MAPK6: variants seen among roughly 807,000 people sequenced by gnomAD.
The protein encoded by MAPK6 is mitogen-activated protein kinase 6, also known as ERK-3.
MAPK6 carries 19 observed loss-of-function variants against 59.3 expected under a neutral mutation model. That is an observed-to-expected ratio of 0.32 (90% CI 0.22 to 0.47). The LOEUF (loss-of-function observed/expected upper bound fraction) is 0.47, where lower values mean the gene tolerates loss of function less well. MAPK6 is among the 20% of genes least tolerant of loss of function. The pLI is 1.00. For missense variants in MAPK6, 724 were observed against 847.9 expected (o/e 0.85, Z 1.81); for synonymous variants, 316 against 290.3 (o/e 1.09, Z -0.90).
intron 3 of MAPK6, among the ~76,000 whole-genome samples, chr15:52,005,987 A>G (rs2057257688): frequency 6.6e-6 from 1 of 152,198 alleles, no homozygotes; most frequent in South Asian, 2.1e-4. Flanking sequence ...ATGGATCTAA[A>G]TTGAAAAGAT....
chr15:52,023,369 C>T (rs1001041295), intron 1 of MAPK6, among the ~76,000 whole-genome samples: 2 of 152,312 alleles, frequency 1.3e-5, no homozygotes, highest in African/African-American at 4.8e-5. Context: ...GAACATTACA[C>T]TACAACCTGC....
At position 52,064,643 on chromosome 15, in the gene MAPK6, C is replaced by A. The variant is rs2032340557; in HGVS notation, c.1809C>A (p.Asp603Glu). The change falls in exon 6 of 6, where the codon GAC becomes GAA. Residue 603 changes from aspartate (D) to glutamate (E), a missense_variant. Asp to Glu is a conservative substitution (Grantham distance 45). Transcript: ENST00000261845. Reference sequence around the variant, plus strand: ...GCCAGTTTGTGAGTGGTGGGGAGGACTGTTTTTTCATAAATCAGTTTTGTG... The same window carrying A: ...GCCAGTTTGTGAGTGGTGGGGAGGAATGTTTTTTCATAAATCAGTTTTGTG... ...WDSQFVSGGE[D>E]CFFINQFCEV... The A allele has an allele frequency of 1.9e-6, 3 of 1,611,698 alleles. No individual in the cohort carries two copies. The highest frequency in any genetic ancestry group is 3.3e-5 in the Admixed American group (2 of 59,988).
chr15:52,043,866 A>G lies in MAPK6; in HGVS notation c.-631-1964A>G, dbSNP rs965717884. Reference sequence around the variant, plus strand: ...CTCTACCTCCCTGCAACCTCTACCTACCTGGTTCAAGCGATTATCCAGCCT... The same window carrying G: ...CTCTACCTCCCTGCAACCTCTACCTGCCTGGTTCAAGCGATTATCCAGCCT... On this transcript the variant is annotated intron_variant, in intron 1 of 5. Coordinates refer to ENST00000261845, the MANE Select transcript of MAPK6 (RefSeq NM_002748.4). Among the ~76,000 whole-genome samples the G allele has an allele frequency of 3.7e-5, 5 of 136,208 alleles. 1 individual carries two copies. The South Asian group carries it at 1.2e-3, about 31-fold the overall frequency. The allele number at this position is 136,208 out of a possible 152,430, so 89.4% of individuals were successfully genotyped here. A position where few individuals can be genotyped will look rare whatever the true frequency, so the allele number is the denominator to read the frequency against.
chr15:52,017,718 G>A (rs2030315611), upstream of MAPK6: 2 of 152,274 alleles, frequency 1.3e-5, no homozygotes, highest in Admixed American at 1.3e-4. Flanking sequence ...GGAAGGCACA[G>A]TGCTTGGTAT....
At chr15:52,052,968 G>A (rs7170649) in intron 3 of MAPK6, among the ~76,000 whole-genome samples, 150 of 151,982 alleles carry the variant, frequency 9.9e-4, no homozygotes, top group African/African-American at 3.2e-3. Context: ...GTTTCCCAGC[G>A]CAGCTGTACC....
intron 5 of MAPK6, among the ~76,000 whole-genome samples, chr15:52,062,250 C>CTCCTGACCTCAGG (rs1757483503): frequency 6.6e-6 from 1 of 151,396 alleles, no homozygotes. Flanking sequence ...TGGTCTCGAA[C>CTCCTGACCTCAGG]TCCTGACCTC....
upstream of MAPK6, among the ~76,000 whole-genome samples, chr15:52,016,374 A>G (rs375601879): frequency 6.6e-6 from 1 of 151,786 alleles, no homozygotes; most frequent in Admixed American, 6.6e-5. Flanking sequence ...GGATGACAAG[A>G]GCAAAACTCC....
chr15:52,006,497 CTG>C (rs2057259079), intron 3 of MAPK6, among the ~76,000 whole-genome samples: 1 of 152,230 alleles, frequency 6.6e-6, no homozygotes, highest in Non-Finnish European at 1.5e-5. Context: ...CATTCAGACA[CTG>C]TGCTCAACAC....
At chr15:52,052,476 C>T (rs1462724730) in intron 3 of MAPK6, among the ~76,000 whole-genome samples, 2 of 152,134 alleles carry the variant, frequency 1.3e-5, no homozygotes, top group African/African-American at 4.8e-5. Flanking sequence ...AGTATATTTA[C>T]AGAGTTGTGT....
At chr15:52,047,081 A>C in intron 2 of MAPK6, 66 bp downstream of exon 2, 1 of 1,183,358 alleles carries the variant, frequency 8.5e-7, no homozygotes, top group Non-Finnish European at 1.1e-6. Flanking sequence ...ATAGGTACTT[A>C]TATTTTCTTT....
intron 3 of MAPK6, among the ~76,000 whole-genome samples, chr15:52,050,346 G>A (rs1488591480): frequency 1.3e-5 from 2 of 152,168 alleles, no homozygotes; most frequent in Admixed American, 1.3e-4. Context: ...CAGAACTCCT[G>A]TTTAAATATA....
intron 2 of MAPK6, among the ~76,000 whole-genome samples, chr15:52,049,097 G>C (rs956488901): frequency 1.2e-4 from 19 of 152,184 alleles, no homozygotes; most frequent in African/African-American, 4.6e-4. Flanking sequence ...GGGTAGTTTT[G>C]AGGATGAAAT....
intron 2 of MAPK6, among the ~76,000 whole-genome samples, chr15:51,998,528 T>C: frequency 7.5e-6 from 1 of 134,018 alleles, no homozygotes; most frequent in South Asian, 2.7e-4. Context: ...TTCTCCCCTC[T>C]CTCTTTTTTT....
chr15:51,982,135 C>G (rs752756746), intron 1 of MAPK6, among the ~76,000 whole-genome samples: 1 of 152,138 alleles, frequency 6.6e-6, no homozygotes, highest in Non-Finnish European at 1.5e-5. Context: ...AAAACAGATC[C>G]GGCTCAAACA....
At chr15:51,987,839 C>T (rs1420822269) in intron 2 of MAPK6, among the ~76,000 whole-genome samples, 1 of 145,764 alleles carries the variant, frequency 6.9e-6, no homozygotes, top group African/African-American at 2.6e-5. Flanking sequence ...GATCTTGGCT[C>T]ACTGCAACCT....
At chr15:51,997,352 AC>A (rs2057227590) in intron 2 of MAPK6, among the ~76,000 whole-genome samples, 2 of 149,164 alleles carry the variant, frequency 1.3e-5, no homozygotes, top group East Asian at 3.9e-4. Flanking sequence ...GCTCACTGCG[AC>A]CTCTGCCTCC....
At chr15:52,055,624 T>C (rs2031949346) in intron 3 of MAPK6, among the ~76,000 whole-genome samples, 1 of 152,188 alleles carries the variant, frequency 6.6e-6, no homozygotes, top group Non-Finnish European at 1.5e-5. Flanking sequence ...CAAGCGATTC[T>C]CCTGCCTCAG....
intron 2 of MAPK6, among the ~76,000 whole-genome samples, chr15:51,989,458 T>C (rs1419276282): frequency 6.6e-6 from 1 of 152,156 alleles, no homozygotes; most frequent in Non-Finnish European, 1.5e-5. Flanking sequence ...TGGGGGGATA[T>C]AAATAGTCTA....
intron 3 of MAPK6, chr15:52,011,432 A>G (rs1003014442): frequency 1.3e-5 from 2 of 152,242 alleles, no homozygotes; most frequent in Admixed American, 1.3e-4. Flanking sequence ...GAAGTGCTGT[A>G]TAGAGTTCCT....
Sources: gnomAD v4.1 joint callset for allele counts (sites outside exome capture counted in the v4.1 genomes callset) on GRCh38, gnomAD v4.1.1 for gene constraint, MANE v1.5 for transcripts, NCBI Gene and HGNC (gene_info 2026-07-23, HGNC 2026-07-21) for gene names.